The following STAU2 variants were observed in gnomAD, a reference collection of about 807,000 sequenced individuals.
STAU2 encodes staufen double-stranded RNA binding protein 2.
A neutral mutation model predicts 65.9 loss-of-function variants in STAU2; 20 were observed. That is an observed-to-expected ratio of 0.30 (90% CI 0.21 to 0.44). The LOEUF is 0.44. Ranked by LOEUF, STAU2 falls within the 20% of genes least tolerant of loss-of-function variation. STAU2 has a pLI of 1.00. For missense variants in STAU2, 558 were observed against 683.9 expected, an observed-to-expected ratio of 0.82 and a Z score of 2.05; for synonymous variants, 232 against 233.9, an observed-to-expected ratio of 0.99 and a Z score of 0.07.
At chr8:73,661,530 T>G (rs1182025616) in intron 6 of STAU2, among the ~76,000 whole-genome samples, 1 of 152,204 alleles carries the variant, frequency 6.6e-6, no homozygotes, top group African/African-American at 2.4e-5. Flanking sequence ...TACACTCATA[T>G]TAACAATCAC....
chr8:73,573,975 G>A (rs1487519944), intron 12 of STAU2, among the ~76,000 whole-genome samples: 8 of 152,094 alleles, frequency 5.3e-5, no homozygotes, highest in African/African-American at 1.4e-4. Flanking sequence ...GCAACCTACA[G>A]AATAGGAGAA....
intron 13 of STAU2, among the ~76,000 whole-genome samples, chr8:73,528,519 C>T (rs1805592933): frequency 6.6e-6 from 1 of 152,088 alleles, no homozygotes; most frequent in African/African-American, 2.4e-5. Flanking sequence ...TTCCATTTAT[C>T]CACTGTCAAA....
At position 73,582,819 on chromosome 8, in the gene STAU2, G is replaced by A. The variant is rs1810087461; in HGVS notation, c.1173C>T (p.Asn391=). The A allele has an allele frequency of 6.2e-7, 1 of 1,608,968 alleles. No homozygotes were observed. Among genetic ancestry groups the A allele is most frequent in the Admixed American group, 1.7e-5 (1 of 59,816 alleles). ...CAGGCTTTGGACCACTCCATCCTTT[G>A]TTTTCCCCTGTCTGAAAGATTAAAT... ...LQDQLEKTGE[N]KGWSGPKPGF... is the part of the protein sequence containing the mutation. Residue 391 remains asparagine (N), a synonymous_variant, in exon 12 of 15, where the codon AAC becomes AAT. Coordinates refer to ENST00000524300, the MANE Select transcript of STAU2 (RefSeq NM_001164380.2).
At chr8:73,692,071 A>C (rs1399999366) in intron 4 of STAU2, among the ~76,000 whole-genome samples, 1 of 152,190 alleles carries the variant, frequency 6.6e-6, no homozygotes, top group African/African-American at 2.4e-5. Flanking sequence ...CTCCATAAAT[A>C]TCCCTAAAAG....
chr8:73,475,950 A>T (rs533800032), intron 13 of STAU2, among the ~76,000 whole-genome samples: 1 of 152,214 alleles, frequency 6.6e-6, no homozygotes, highest in East Asian at 1.9e-4. Flanking sequence ...ATGACACTAA[A>T]TGTTTACTTC....
intron 13 of STAU2, among the ~76,000 whole-genome samples, chr8:73,425,163 A>G (rs1816707832): frequency 6.6e-6 from 1 of 152,188 alleles, no homozygotes; most frequent in Non-Finnish European, 1.5e-5. Context: ...CCTAACCCCC[A>G]GTATCTCAGA....
At chr8:73,523,798 G>A (rs1370685995) in intron 13 of STAU2, among the ~76,000 whole-genome samples, 1 of 152,214 alleles carries the variant, frequency 6.6e-6, no homozygotes. Flanking sequence ...GATAAGTGGA[G>A]GGGGCCAAAT....
At chr8:73,514,837 A>C (rs1162833581) in intron 13 of STAU2, among the ~76,000 whole-genome samples, 1 of 152,144 alleles carries the variant, frequency 6.6e-6, no homozygotes, top group Non-Finnish European at 1.5e-5. Context: ...TCACAGAAAA[A>C]TTGAGCACAA....
chr8:73,726,495 T>C (rs1467815284), intron 3 of STAU2, among the ~76,000 whole-genome samples: 1 of 152,206 alleles, frequency 6.6e-6, no homozygotes, highest in Non-Finnish European at 1.5e-5. Context: ...CTCCTAGGAT[T>C]CTAATTACAC....
At chr8:73,445,349 A>G (rs1818412776) in intron 13 of STAU2, among the ~76,000 whole-genome samples, 1 of 152,176 alleles carries the variant, frequency 6.6e-6, no homozygotes, top group Non-Finnish European at 1.5e-5. Context: ...TTTTATACGA[A>G]AGTACAAAGC....
At chr8:73,464,340 C>G (rs1819533920) in intron 13 of STAU2, among the ~76,000 whole-genome samples, 1 of 152,156 alleles carries the variant, frequency 6.6e-6, no homozygotes, top group South Asian at 2.1e-4. Flanking sequence ...GCTTACTGTT[C>G]TTTTAGAGGG....
At chr8:73,626,574 T>C (rs1056117461) in intron 6 of STAU2, among the ~76,000 whole-genome samples, 1 of 152,160 alleles carries the variant, frequency 6.6e-6, no homozygotes, top group African/African-American at 2.4e-5. Flanking sequence ...AAGTCATCTC[T>C]AAAAATAGGA....
intron 11 of STAU2, among the ~76,000 whole-genome samples, chr8:73,589,679 G>A (rs997731565): frequency 1.3e-5 from 2 of 152,058 alleles, no homozygotes; most frequent in Non-Finnish European, 2.9e-5. Context: ...TACTCAAACT[G>A]TTTAATAAAG....
chr8:73,664,056 T>TC (rs1563491578), intron 6 of STAU2, among the ~76,000 whole-genome samples: 1 of 152,174 alleles, frequency 6.6e-6, no homozygotes, highest in Non-Finnish European at 1.5e-5. Context: ...AATGTGGGGT[T>TC]CTTTGTTGTT....
At chr8:73,581,957 G>T (rs777411893) in intron 12 of STAU2, among the ~76,000 whole-genome samples, 4 of 152,132 alleles carry the variant, frequency 2.6e-5, no homozygotes, top group Admixed American at 2.0e-4. Flanking sequence ...TTGTAAAGAA[G>T]ATAGATAGGG....
chr8:73,705,557 G>C (rs1434632028), intron 4 of STAU2, among the ~76,000 whole-genome samples: 1 of 152,136 alleles, frequency 6.6e-6, no homozygotes, highest in Non-Finnish European at 1.5e-5. Flanking sequence ...CTTCTTTCGA[G>C]ATTTGAGCAA....
intron 13 of STAU2, among the ~76,000 whole-genome samples, chr8:73,472,256 T>C (rs1215288087): frequency 6.6e-6 from 1 of 152,138 alleles, no homozygotes; most frequent in African/African-American, 2.4e-5. Flanking sequence ...CCAATCAAAA[T>C]AGTGCCGCTA....
At chr8:73,567,432 G>A (rs1192609403) in intron 12 of STAU2, among the ~76,000 whole-genome samples, 5 of 152,066 alleles carry the variant, frequency 3.3e-5, no homozygotes, top group South Asian at 4.2e-4. Context: ...ACTTGAATCC[G>A]TGAGGTGGAG....
chr8:73,532,559 T>C (rs1322460231), intron 13 of STAU2, among the ~76,000 whole-genome samples: 1 of 152,130 alleles, frequency 6.6e-6, no homozygotes, highest in African/African-American at 2.4e-5. Flanking sequence ...GCCCAGGAGT[T>C]TGAGGTTGCA....
Sources: allele counts gnomAD v4.1 joint callset (sites outside exome capture counted in the v4.1 genomes callset), GRCh38; gene constraint gnomAD v4.1.1; transcripts MANE v1.5; gene names NCBI Gene and HGNC (gene_info 2026-07-23, HGNC 2026-07-21).